Variants in ARHGAP19 observed in about 807,000 individuals in gnomAD.
The protein encoded by ARHGAP19 is rho GTPase-activating protein 19.
ARHGAP19 carries 48 observed loss-of-function variants against 60.9 expected under a neutral mutation model. The observed-to-expected ratio is 0.79, with a 90% confidence interval of 0.62 to 1.00. ARHGAP19 has a LOEUF of 1.00. Among genes scored for constraint, ARHGAP19 ranks in the 50% least tolerant of loss-of-function variants. ARHGAP19 has a pLI of 0.00. For synonymous variants in ARHGAP19, 209 were observed against 215.5 expected (o/e 0.97, Z 0.27); for missense variants, 562 against 597.2 (o/e 0.94, Z 0.61).
At chr10:97,245,526 G>A (rs2134842509) in intron 7 of ARHGAP19, among the ~76,000 whole-genome samples, 1 of 150,096 alleles carries the variant, frequency 6.7e-6, no homozygotes, top group East Asian at 2.0e-4. Context: ...GGAGGCTGAG[G>A]TGAGAGAACC....
intron 8 of ARHGAP19, among the ~76,000 whole-genome samples, chr10:97,236,449 C>A (rs532352089): frequency 4.7e-4 from 72 of 152,198 alleles, no homozygotes; most frequent in Admixed American, 1.8e-3. Flanking sequence ...AAGAGCTTAG[C>A]TAGTTAAGTA....
intron 6 of ARHGAP19, among the ~76,000 whole-genome samples, chr10:97,251,400 G>A (rs111217876): frequency 1.4e-4 from 5 of 35,238 alleles, no homozygotes; most frequent in African/African-American, 2.7e-4. Flanking sequence ...AAGGGAAGGG[G>A]AAGGGAAGGG....
chr10:97,256,456 T>A, intron 5 of ARHGAP19, 52 bp from the exon 6 acceptor site: 1 of 1,254,850 alleles, frequency 8.0e-7, no homozygotes, highest in South Asian at 1.2e-5. Context: ...TAGAAAGTAG[T>A]ACTTACCAAT....
intron 8 of ARHGAP19, among the ~76,000 whole-genome samples, chr10:97,242,631 G>A (rs1456857686): frequency 1.3e-5 from 2 of 152,094 alleles, no homozygotes; most frequent in Non-Finnish European, 2.9e-5. Context: ...TCCTGCCTCA[G>A]CCTCCCGAGT....
At chr10:97,244,947 AGAAAG>A (rs1842542028) in intron 7 of ARHGAP19, among the ~76,000 whole-genome samples, 1 of 151,868 alleles carries the variant, frequency 6.6e-6, no homozygotes, top group Non-Finnish European at 1.5e-5. Flanking sequence ...AGAACAGGAA[AGAAAG>A]GAAAGTATGC....
chr10:97,227,442 C>G (rs1483251913), intron 11 of ARHGAP19, among the ~76,000 whole-genome samples: 3 of 151,810 alleles, frequency 2.0e-5, no homozygotes, highest in Non-Finnish European at 1.5e-5. Context: ...CAGAAACGAA[C>G]AGAACTTAAG....
Position 97,224,628 on chromosome 10 carries a change from T to A in ARHGAP19, c.*1494A>T, listed in dbSNP as rs922963219. ...CTTTCATTTCAGCAATGGTGCAGCA[T>A]ATTCAACAGTTTAGAAATAGGTCAG... On this transcript the variant is annotated 3_prime_UTR_variant, in exon 12 of 12. Coordinates refer to ENST00000358531, the MANE Select transcript of ARHGAP19 (RefSeq NM_032900.6). The A allele has an allele frequency of 1.3e-5, 2 of 152,258 alleles. No individual in the cohort carries two copies. The highest frequency in any genetic ancestry group is 1.3e-4 in the Admixed American group (2 of 15,290). The allele number at this position is 152,258 out of a possible 1,614,324, so 9.4% of individuals were successfully genotyped here. A position where few individuals can be genotyped will look rare whatever the true frequency, so the allele number is the denominator to read the frequency against.
chr10:97,271,830 G>A (rs190902699), intron 1 of ARHGAP19, among the ~76,000 whole-genome samples: 151 of 151,828 alleles, frequency 9.9e-4, no homozygotes, highest in African/African-American at 3.4e-3. Context: ...GTGTATTGGT[G>A]TTTAATTTTA....
At chr10:97,265,821 A>G (rs1722418778) in intron 2 of ARHGAP19, 39 bp downstream of exon 2, 3 of 1,597,404 alleles carry the variant, frequency 1.9e-6, no homozygotes, top group South Asian at 1.1e-5. Flanking sequence ...CCCAGGGAGC[A>G]GCTGAGGCCT....
intron 1 of ARHGAP19, among the ~76,000 whole-genome samples, chr10:97,285,159 A>G (rs1843137206): frequency 6.6e-6 from 1 of 151,894 alleles, no homozygotes; most frequent in Admixed American, 6.6e-5. Flanking sequence ...GACACTGTGC[A>G]AGGCCGAAAG....
intron 8 of ARHGAP19, among the ~76,000 whole-genome samples, chr10:97,242,535 G>A (rs572664524): frequency 2.6e-4 from 40 of 151,156 alleles, no homozygotes; most frequent in African/African-American, 7.3e-4. Flanking sequence ...TTTTTGAGAC[G>A]GAGTTTCACT....
chr10:97,292,175 G>A (rs931314912), intron 1 of ARHGAP19, among the ~76,000 whole-genome samples: 2 of 152,234 alleles, frequency 1.3e-5, no homozygotes, highest in Non-Finnish European at 2.9e-5. Flanking sequence ...TCAAATCCTT[G>A]CTCGGACCTG....
intron 1 of ARHGAP19, among the ~76,000 whole-genome samples, chr10:97,268,225 C>A (rs773156040): frequency 1.7e-4 from 26 of 152,196 alleles, no homozygotes; most frequent in Non-Finnish European, 3.5e-4. Context: ...AAGTTCCCAA[C>A]AAGTTCCTCA....
At chr10:97,232,048 A>T (rs1589443888) in intron 9 of ARHGAP19, among the ~76,000 whole-genome samples, 3 of 118,196 alleles carry the variant, frequency 2.5e-5, no homozygotes, top group South Asian at 2.8e-4. Flanking sequence ...TGTGGTTTTG[A>T]TTTACATTTC....
At chr10:97,240,412 GA>G (rs1008711019) in intron 8 of ARHGAP19, among the ~76,000 whole-genome samples, 50 of 152,306 alleles carry the variant, frequency 3.3e-4, no homozygotes, top group African/African-American at 1.1e-3. Context: ...AACACTTTGG[GA>G]GCCCAAGGCA....
chr10:97,275,066 C>T (rs114281695), intron 1 of ARHGAP19: 2 of 152,502 alleles, frequency 1.3e-5, no homozygotes, highest in African/African-American at 2.4e-5. Flanking sequence ...CACTCCAGCA[C>T]CAGAAACCTA....
intron 5 of ARHGAP19, among the ~76,000 whole-genome samples, chr10:97,257,477 ACAAGGTCT>A (rs935899123): frequency 2.0e-5 from 3 of 151,840 alleles, no homozygotes; most frequent in Admixed American, 2.0e-4. Flanking sequence ...TTTTGTAGAG[ACAAGGTCT>A]CAAGGTCTCA....
rs540863069 is a variant in ARHGAP19, at chr10:97,286,587, G to A, written c.56+5985C>T. On this transcript the variant is annotated intron_variant, in intron 1 of 11. Coordinates refer to ENST00000358531, the MANE Select transcript of ARHGAP19 (RefSeq NM_032900.6). ...AGCCTGTGCCACAGAGCGAGACTCC[G>A]TGTCAAAAAACCAAGGCTCAGAAGT... 7.2e-5 allele frequency among the ~76,000 whole-genome samples: 11 copies of A among 152,286 alleles called. 2 individuals carry two copies. Among genetic ancestry groups the A allele is most frequent in the Admixed American group, 5.2e-4 (8 of 15,300 alleles).
At chr10:97,273,283 C>T (rs1842982906) in intron 1 of ARHGAP19, among the ~76,000 whole-genome samples, 1 of 152,068 alleles carries the variant, frequency 6.6e-6, no homozygotes, top group South Asian at 2.1e-4. Context: ...GTGCCTCAGC[C>T]TCCCCAGTAG....
Sources: allele counts gnomAD v4.1 joint callset (sites outside exome capture counted in the v4.1 genomes callset), GRCh38; gene constraint gnomAD v4.1.1; transcripts MANE v1.5; gene names NCBI Gene and HGNC (gene_info 2026-07-23, HGNC 2026-07-21).